ANKRD27: variants seen among roughly 807,000 people sequenced by gnomAD.
ANKRD27 encodes the protein ankyrin repeat domain 27, also known as ankyrin repeat domain-containing protein 27.
In ANKRD27, 112 loss-of-function variants were observed where a neutral mutation model predicts 129.7. The ratio of observed to expected loss-of-function variants is 0.86; its 90% CI spans 0.74 to 1.01. ANKRD27 has a LOEUF of 1.01. ANKRD27 is among the 50% of genes least tolerant of loss of function. The pLI, the probability that ANKRD27 is intolerant of heterozygous loss-of-function variation, is 0.00. For synonymous variants in ANKRD27, 516 were observed against 511.2 expected, an observed-to-expected ratio of 1.01 and a Z score of -0.13; for missense variants, 1,258 against 1,300.5, an observed-to-expected ratio of 0.97 and a Z score of 0.50.
chr19:32,662,339 A>C (rs1967662142), intron 1 of ANKRD27, among the ~76,000 whole-genome samples: 1 of 134,160 alleles, frequency 7.5e-6, no homozygotes. Flanking sequence ...AAAAAAAAGG[A>C]AGTAGACTCA....
chr19:32,646,857 A>G (rs1967313735), intron 3 of ANKRD27, among the ~76,000 whole-genome samples: 1 of 152,036 alleles, frequency 6.6e-6, no homozygotes, highest in Non-Finnish European at 1.5e-5. Flanking sequence ...ACAGAGTCTT[A>G]CTCCATCACC....
chr19:32,618,697 G>A (rs1971960805), intron 20 of ANKRD27, among the ~76,000 whole-genome samples: 1 of 152,066 alleles, frequency 6.6e-6, no homozygotes, highest in South Asian at 2.1e-4. Flanking sequence ...AGCACCCATG[G>A]GGGGGCCATC....
intron 28 of ANKRD27, among the ~76,000 whole-genome samples, 169 bp from the exon 29 acceptor site, chr19:32,598,547 C>T (rs980187652): frequency 2.4e-4 from 36 of 152,196 alleles, no homozygotes; most frequent in Admixed American, 2.1e-3. Flanking sequence ...CATGTGCATA[C>T]TACATGTGTC....
chr19:32,615,843 T>TA, intron 21 of ANKRD27, 63 bp from the exon 22 acceptor site: 1 of 1,572,308 alleles, frequency 6.4e-7, no homozygotes, highest in Non-Finnish European at 8.6e-7. Flanking sequence ...CACAATATCT[T>TA]AAACACACAC....
chr19:32,654,475 C>T (rs1389263202), intron 2 of ANKRD27, among the ~76,000 whole-genome samples: 3 of 152,172 alleles, frequency 2.0e-5, no homozygotes, highest in Non-Finnish European at 1.5e-5. Context: ...TCGAGATATT[C>T]GACTTTTTCT....
intron 17 of ANKRD27, among the ~76,000 whole-genome samples, chr19:32,625,331 T>C (rs780717047): frequency 3.6e-4 from 54 of 151,896 alleles, no homozygotes; most frequent in Non-Finnish European, 7.1e-4. Flanking sequence ...AACCAGACGG[T>C]AGCAAGGAGA....
At chr19:32,614,721 G>C (rs1971887348) in intron 22 of ANKRD27, among the ~76,000 whole-genome samples, 1 of 151,998 alleles carries the variant, frequency 6.6e-6, no homozygotes, top group African/African-American at 2.4e-5. Flanking sequence ...AGAACAAGGA[G>C]TATATAAAAG....
chr19:32,613,912 G>A (rs774699807), intron 22 of ANKRD27, among the ~76,000 whole-genome samples: 1 of 152,050 alleles, frequency 6.6e-6, no homozygotes, highest in Non-Finnish European at 1.5e-5. Context: ...GTTTCACCAT[G>A]TTAGCCAGGA....
rs535753233 is a variant in ANKRD27 at position 32,650,273 on chromosome 19, C to T, written c.103-481G>A. On this transcript the variant is annotated intron_variant, in intron 2 of 28. Transcript: ENST00000306065. ...CCACCATTCAAAAAAGAAACATGGC[C>T]AGGCGTGGTGGCTCATGCCTATAAT... Among the ~76,000 whole-genome samples, 103 of 152,286 alleles carry T rather than the reference C, an allele frequency of 6.8e-4. 1 individual carries two copies. The highest frequency in any genetic ancestry group is 2.4e-3 in the African/African-American group (98 of 41,554).
In ANKRD27 at chr19:32,652,425, AC is replaced by A. The variant is rs377429599; in HGVS notation, c.103-2634del. ...GCCAATACGGTGAAACCACGTCTCT[AC>A]TACTAAAAATACAAAAATTAGCCAG... On this transcript the variant is annotated intron_variant, in intron 2 of 28. Coordinates refer to ENST00000306065, the MANE Select transcript of ANKRD27 (RefSeq NM_032139.3). Among the ~76,000 whole-genome samples the A allele has an allele frequency of 2.8e-4, 43 of 151,738 alleles. No individual in the cohort carries two copies. In the South Asian group the frequency reaches 8.5e-3, roughly 30 times the overall value.
At position 32,605,947 on chromosome 19, in the gene ANKRD27, T is replaced by C. The variant is rs568786951; in HGVS notation, c.2381A>G (p.Lys794Arg). ...ACQQGHFQVV[K>R]CLLDSNAKPN... Reference sequence around the variant, plus strand: ...TTTTGCATTCGAATCTAACAGACACTTCACCACCTGGGCCAGAGAAGGAAA... The same window carrying C: ...TTTTGCATTCGAATCTAACAGACACCTCACCACCTGGGCCAGAGAAGGAAA... Residue 794 changes from lysine (K) to arginine (R), a missense_variant, in exon 24 of 29, where the codon AAG becomes AGG. By Grantham distance (26) the Lys-to-Arg change is conservative. Coordinates refer to ENST00000306065, the MANE Select transcript of ANKRD27 (RefSeq NM_032139.3). 4 of 1,613,494 alleles carry C rather than the reference T, an allele frequency of 2.5e-6. No homozygotes were observed. The East Asian group carries it at 8.9e-5, about 36-fold the overall frequency.
chr19:32,597,789 T>G lies in ANKRD27; in HGVS notation c.*356A>C. 3.1e-6 allele frequency: 1 copy of G among 318,342 alleles called. No homozygotes were observed. Among genetic ancestry groups the G allele is most frequent in the Non-Finnish European group, 6.1e-6 (1 of 165,156 alleles). The allele number at this position is 318,342 out of a possible 1,614,324, so 19.7% of individuals were successfully genotyped here. ...TGTGAATGTACACAGGTCAGAGAGG[T>G]TTAGCACCTTTTGGGAGGAGGAGGT... On this transcript the variant is annotated 3_prime_UTR_variant, in exon 29 of 29. Transcript: ENST00000306065.
At position 32,602,261 on chromosome 19, in the gene ANKRD27, G is replaced by A. The variant is rs925611125; in HGVS notation, c.2656-135C>T. 6.1e-5 allele frequency: 38 copies of A among 620,356 alleles called. No individual in the cohort carries two copies. In the African/African-American group the frequency reaches 6.9e-4, roughly 11 times the overall value. 38.4% of individuals were successfully genotyped at this position (620,356 alleles called of 1,614,324 possible). ...CAGAAATAATTACAAATGGAGCTTGGAGGCCATAAAGCCCAGTGGTAAAAG... is the reference window on the plus strand; with the variant it reads ...CAGAAATAATTACAAATGGAGCTTGAAGGCCATAAAGCCCAGTGGTAAAAG... On this transcript the variant is annotated intron_variant, in intron 25 of 28. Transcript: ENST00000306065.
chr19:32,656,093 AAG>A (rs1199039441), intron 2 of ANKRD27, among the ~76,000 whole-genome samples: 2 of 121,052 alleles, frequency 1.7e-5, no homozygotes, highest in East Asian at 3.8e-4. Context: ...GAAAGAAAGA[AAG>A]AAAGAAAGAA....
intron 2 of ANKRD27, among the ~76,000 whole-genome samples, chr19:32,653,327 C>T (rs1967455967): frequency 1.3e-5 from 2 of 152,142 alleles, no homozygotes. Context: ...CCTACTTACC[C>T]CATTAAATCA....
intron 12 of ANKRD27, chr19:32,637,928 G>A (rs1599757286): frequency 6.6e-6 from 1 of 152,498 alleles, no homozygotes; most frequent in East Asian, 1.9e-4. Context: ...AAGATTTTGG[G>A]CGCTGATGAG....
intron 24 of ANKRD27, among the ~76,000 whole-genome samples, chr19:32,604,827 G>A (rs8108894): frequency 0.19 from 29,080 of 151,958 alleles, 3,463 homozygotes; most frequent in East Asian, 0.33. Flanking sequence ...GGAGGCAGAG[G>A]CAGGTGGATC....
At chr19:32,629,359 T>C (rs4805786) in intron 13 of ANKRD27, among the ~76,000 whole-genome samples, 81,094 of 151,930 alleles carry the variant, frequency 0.53, 22,091 homozygotes, top group Non-Finnish European at 0.61. Flanking sequence ...GGCCGGCTCA[T>C]TCTACTACTC....
intron 23 of ANKRD27, among the ~76,000 whole-genome samples, chr19:32,607,297 G>T (rs933381625): frequency 6.6e-6 from 1 of 152,086 alleles, no homozygotes; most frequent in African/African-American, 2.4e-5. Flanking sequence ...AGGCACTGTC[G>T]GGGTGTAAAG....
Sources: gnomAD v4.1 joint callset for allele counts (sites outside exome capture counted in the v4.1 genomes callset) on GRCh38, gnomAD v4.1.1 for gene constraint, MANE v1.5 for transcripts, NCBI Gene and HGNC (gene_info 2026-07-23, HGNC 2026-07-21) for gene names.